CMSS1: variants seen among roughly 807,000 people sequenced by gnomAD.
CMSS1 encodes the protein protein CMSS1.
A neutral mutation model predicts 43.5 loss-of-function variants in CMSS1; 33 were observed. The ratio of observed to expected loss-of-function variants is 0.76; its 90% CI spans 0.57 to 1.01. The LOEUF (loss-of-function observed/expected upper bound fraction) is 1.01, where lower values mean the gene tolerates loss of function less well. CMSS1 is among the 50% of genes least tolerant of loss of function. The pLI is 0.00. For missense variants in CMSS1, 313 were observed against 326.4 expected, an observed-to-expected ratio of 0.96 and a Z score of 0.32; for synonymous variants, 115 against 117.2, an observed-to-expected ratio of 0.98 and a Z score of 0.12.
intron 1 of CMSS1, among the ~76,000 whole-genome samples, chr3:100,028,519 G>A (rs2064967445): frequency 6.6e-6 from 1 of 152,058 alleles, no homozygotes; most frequent in Admixed American, 6.6e-5. Context: ...TTGGAGAATA[G>A]GCCTTAGCAA....
At chr3:100,108,341 T>A (rs976479337) in intron 1 of CMSS1, among the ~76,000 whole-genome samples, 18 of 152,168 alleles carry the variant, frequency 1.2e-4, no homozygotes, top group African/African-American at 4.3e-4. Context: ...ATAATGATAA[T>A]AACAGCCTCT....
intron 1 of CMSS1, among the ~76,000 whole-genome samples, chr3:100,100,456 G>A (rs535439541): frequency 9.1e-4 from 139 of 152,238 alleles, no homozygotes; most frequent in African/African-American, 3.1e-3. Flanking sequence ...ATAAGGCACA[G>A]TGAGGCCATA....
At chr3:100,143,382 T>C (rs1348946951) in intron 1 of CMSS1, among the ~76,000 whole-genome samples, 1 of 152,244 alleles carries the variant, frequency 6.6e-6, no homozygotes, top group Admixed American at 6.5e-5. Context: ...CTTTCATTAT[T>C]AGCCATAATG....
chr3:100,109,429 A>ATAAAGCAG (rs1414232838), intron 1 of CMSS1, among the ~76,000 whole-genome samples: 8 of 152,332 alleles, frequency 5.3e-5, no homozygotes, highest in African/African-American at 1.9e-4. Context: ...TAGTCAAGAC[A>ATAAAGCAG]TAAAGCAGTT....
At chr3:100,037,933 GCTTTTCT>G (rs2065134781) in intron 1 of CMSS1, among the ~76,000 whole-genome samples, 1 of 130,336 alleles carries the variant, frequency 7.7e-6, no homozygotes. Context: ...CTTTTTAATC[GCTTTTCT>G]TTTTTTTTTT....
At chr3:100,062,688 A>G (rs1453625027) in intron 1 of CMSS1, among the ~76,000 whole-genome samples, 1 of 152,228 alleles carries the variant, frequency 6.6e-6, no homozygotes, top group Non-Finnish European at 1.5e-5. Flanking sequence ...ACCCTAAAAG[A>G]AATTTAAAAG....
At chr3:100,012,864 C>CAGT (rs1710201328) in intron 1 of CMSS1, among the ~76,000 whole-genome samples, 1 of 151,342 alleles carries the variant, frequency 6.6e-6, no homozygotes, top group Non-Finnish European at 1.5e-5. Context: ...GCTTCCACCT[C>CAGT]CCAGGCTCAA....
intron 1 of CMSS1, among the ~76,000 whole-genome samples, chr3:100,118,521 C>T (rs1456428277): frequency 6.6e-6 from 1 of 152,088 alleles, no homozygotes; most frequent in East Asian, 1.9e-4. Context: ...ATGAAACTAG[C>T]CATTTGTTGT....
At chr3:100,117,463 GGA>G (rs1252435943) in intron 1 of CMSS1, among the ~76,000 whole-genome samples, 1 of 151,822 alleles carries the variant, frequency 6.6e-6, no homozygotes, top group Non-Finnish European at 1.5e-5. Flanking sequence ...AAAATAAGGT[GGA>G]ATTATTCATC....
intron 1 of CMSS1, chr3:100,114,917 C>A: frequency 6.6e-7 from 1 of 1,524,318 alleles, no homozygotes; most frequent in Non-Finnish European, 8.8e-7. Context: ...AACTTGAATG[C>A]CTGCCTGTTC....
chr3:99,885,659 A>C (rs1257009244), intron 1 of CMSS1, among the ~76,000 whole-genome samples: 1 of 152,190 alleles, frequency 6.6e-6, no homozygotes, highest in Non-Finnish European at 1.5e-5. Flanking sequence ...GTTAAAAACA[A>C]TATTTGTCTA....
chr3:100,082,087 T>G (rs2065941084), intron 1 of CMSS1, among the ~76,000 whole-genome samples: 1 of 152,234 alleles, frequency 6.6e-6, no homozygotes, highest in South Asian at 2.1e-4. Context: ...AATACTGGCA[T>G]GTTCCTAGAC....
intron 1 of CMSS1, among the ~76,000 whole-genome samples, chr3:99,913,359 CTTG>C (rs1405101819): frequency 6.6e-6 from 1 of 152,278 alleles, no homozygotes; most frequent in African/African-American, 2.4e-5. Context: ...CTTGTCAATA[CTTG>C]TTATTATCTT....
chr3:100,116,772 A>G (rs1250118924), intron 1 of CMSS1, among the ~76,000 whole-genome samples: 2 of 152,214 alleles, frequency 1.3e-5, no homozygotes, highest in Non-Finnish European at 2.9e-5. Context: ...CAGTGAGGAT[A>G]AGGTGGTTTC....
intron 1 of CMSS1, among the ~76,000 whole-genome samples, chr3:100,041,992 A>G (rs969525715): frequency 6.6e-6 from 1 of 152,206 alleles, no homozygotes; most frequent in Non-Finnish European, 1.5e-5. Flanking sequence ...TTCTTCAGCT[A>G]TATGATCTGA....
chr3:100,166,302 A>G, intron 4 of CMSS1, 33 bp from the exon 5 acceptor site: 2 of 1,439,168 alleles, frequency 1.4e-6, no homozygotes, highest in Non-Finnish European at 2.0e-6. Context: ...TGTTTACAAA[A>G]TTATCTACAA....
chr3:100,171,726 T>C (rs955152523), intron 6 of CMSS1, 113 bp from the exon 7 acceptor site: 30 of 816,640 alleles, frequency 3.7e-5, no homozygotes, highest in Admixed American at 5.9e-5. Flanking sequence ...TATGCACATA[T>C]ATACACACGT....
rs2067176885 is a variant in CMSS1 at position 100,180,261 on chromosome 3, GCTC to G, written c.*1877_*1879del. 1 of 152,206 alleles carries G rather than the reference GCTC, an allele frequency of 6.6e-6. No homozygotes were observed. Among genetic ancestry groups the G allele is most frequent in the Non-Finnish European group, 1.5e-5 (1 of 68,040 alleles). 9.4% of individuals were successfully genotyped at this position (152,206 alleles called of 1,614,324 possible). A position where few individuals can be genotyped will look rare whatever the true frequency, so the allele number is the denominator to read the frequency against. On this transcript the variant is annotated 3_prime_UTR_variant, in exon 10 of 10. Transcript: ENST00000421999. ...CCATTGTTTTGGCTATTAACATTTG[GCTC>G]CTCTTGTGCAAACTTCTGCAGTGAG...
intron 1 of CMSS1, among the ~76,000 whole-genome samples, chr3:100,053,194 T>C (rs1461997385): frequency 6.6e-6 from 1 of 152,196 alleles, no homozygotes; most frequent in Non-Finnish European, 1.5e-5. Context: ...CAGAAGTGTC[T>C]TGAAAAGACA....
Sources: gnomAD v4.1 joint callset for allele counts (sites outside exome capture counted in the v4.1 genomes callset) on GRCh38, gnomAD v4.1.1 for gene constraint, MANE v1.5 for transcripts, NCBI Gene and HGNC (gene_info 2026-07-23, HGNC 2026-07-21) for gene names.